Variants in ERC2 observed in about 807,000 individuals in gnomAD.
ERC2 encodes the protein ERC protein 2.
A neutral mutation model predicts 114.8 loss-of-function variants in ERC2; 42 were observed. That is an observed-to-expected ratio of 0.37 (90% confidence interval 0.29 to 0.47). The LOEUF is 0.47. ERC2 is among the 20% of genes least tolerant of loss of function. ERC2 has a pLI of 0.99. For missense variants in ERC2, 939 were observed against 1,150.7 expected (o/e 0.82, Z 2.66); for synonymous variants, 454 against 425.5 (o/e 1.07, Z -0.82).
intron 5 of ERC2, among the ~76,000 whole-genome samples, 174 bp downstream of exon 5, chr3:56,148,803 T>A (rs924036520): frequency 6.6e-6 from 1 of 152,178 alleles, no homozygotes; most frequent in African/African-American, 2.4e-5. Context: ...TCCCTGATTG[T>A]TTTTTGGAAT....
At chr3:55,603,549 G>A (rs900549107) in intron 17 of ERC2, among the ~76,000 whole-genome samples, 43 of 150,908 alleles carry the variant, frequency 2.8e-4, no homozygotes, top group Middle Eastern at 3.2e-3. Flanking sequence ...GGAGAACTGC[G>A]TGAACCCCAT....
At chr3:56,443,308 G>T (rs1271727857) in intron 1 of ERC2, among the ~76,000 whole-genome samples, 2 of 152,092 alleles carry the variant, frequency 1.3e-5, no homozygotes, top group African/African-American at 2.4e-5. Context: ...ATGGTAAAAG[G>T]GTAATGTCTT....
At chr3:55,814,568 G>A (rs535822624) in intron 14 of ERC2, among the ~76,000 whole-genome samples, 1 of 152,174 alleles carries the variant, frequency 6.6e-6, no homozygotes, top group Non-Finnish European at 1.5e-5. Context: ...CATAGCTCAG[G>A]CATGAAATAA....
intron 14 of ERC2, among the ~76,000 whole-genome samples, chr3:55,880,096 G>A (rs1461400151): frequency 1.3e-5 from 2 of 152,192 alleles, no homozygotes; most frequent in Non-Finnish European, 2.9e-5. Flanking sequence ...TAAAGGACAG[G>A]GAGGTTTCTT....
intron 2 of ERC2, among the ~76,000 whole-genome samples, chr3:56,364,009 A>G (rs2059061354): frequency 6.6e-6 from 1 of 152,248 alleles, no homozygotes; most frequent in Non-Finnish European, 1.5e-5. Flanking sequence ...AGCATGGTTT[A>G]TAAAACTCAG....
chr3:55,901,748 A>G (rs1022738362), intron 13 of ERC2, among the ~76,000 whole-genome samples: 3 of 152,224 alleles, frequency 2.0e-5, no homozygotes, highest in Non-Finnish European at 2.9e-5. Context: ...GTCACTATCC[A>G]TAAGATCGAT....
chr3:55,577,572 G>A (rs1466300406), intron 17 of ERC2, among the ~76,000 whole-genome samples: 1 of 152,138 alleles, frequency 6.6e-6, no homozygotes, highest in Non-Finnish European at 1.5e-5. Context: ...CTGGTGGGAA[G>A]TACAAACCAG....
intron 17 of ERC2, among the ~76,000 whole-genome samples, chr3:55,621,159 C>G (rs919580834): frequency 2.0e-5 from 3 of 152,106 alleles, no homozygotes; most frequent in Non-Finnish European, 2.9e-5. Context: ...TAACTGCCCC[C>G]CCTCCAGCCA....
intron 17 of ERC2, among the ~76,000 whole-genome samples, chr3:55,553,615 C>T (rs1250954130): frequency 1.3e-5 from 2 of 151,976 alleles, no homozygotes; most frequent in African/African-American, 4.8e-5. Flanking sequence ...CCTGTCTCTA[C>T]TAAAAATACA....
At chr3:55,583,865 T>C (rs768174813) in intron 17 of ERC2, among the ~76,000 whole-genome samples, 2 of 116,746 alleles carry the variant, frequency 1.7e-5, no homozygotes, top group Non-Finnish European at 3.5e-5. Context: ...TGCCAGCAAG[T>C]CCAACCACAT....
At position 55,508,535 on chromosome 3, in the gene ERC2, T is replaced by C. The variant is rs1378357254; in HGVS notation, c.*2781A>G. 6.6e-6 allele frequency: 1 copy of C among 152,498 alleles called. No homozygotes were observed. Among genetic ancestry groups the C allele is most frequent in the African/African-American group, 2.4e-5 (1 of 41,412 alleles). 9.4% of individuals were successfully genotyped at this position (152,498 alleles called of 1,614,324 possible). A position where few individuals can be genotyped will look rare whatever the true frequency, so the allele number is the denominator to read the frequency against. The stretch of plus-strand genomic sequence containing the variant: ...TCGATGTCCATAATCACATGGTCAA[T>C]ATCACAACCCACATGCCACTCACTT... On this transcript the variant is annotated 3_prime_UTR_variant, in exon 18 of 18. Coordinates refer to ENST00000288221, the MANE Select transcript of ERC2 (RefSeq NM_015576.3).
chr3:55,714,247 C>T (rs1178833738), intron 15 of ERC2, among the ~76,000 whole-genome samples: 1 of 152,118 alleles, frequency 6.6e-6, no homozygotes, highest in Non-Finnish European at 1.5e-5. Context: ...TTGGCATAAA[C>T]TTTCTCAAGG....
At chr3:56,036,354 T>C (rs2074801028) in intron 7 of ERC2, among the ~76,000 whole-genome samples, 2 of 152,140 alleles carry the variant, frequency 1.3e-5, no homozygotes, top group South Asian at 4.2e-4. Flanking sequence ...GCGCCTTCTT[T>C]TCACTTTAGT....
intron 17 of ERC2, among the ~76,000 whole-genome samples, chr3:55,513,586 A>G (rs1411951474): frequency 6.6e-6 from 1 of 152,018 alleles, no homozygotes; most frequent in Non-Finnish European, 1.5e-5. Context: ...TGAATTGTCT[A>G]GACTTGTACA....
intron 2 of ERC2, among the ~76,000 whole-genome samples, chr3:56,406,762 A>G (rs989552828): frequency 6.6e-6 from 1 of 152,220 alleles, no homozygotes; most frequent in Non-Finnish European, 1.5e-5. Flanking sequence ...GAGAGGGAAA[A>G]AAATCAAACT....
In ERC2 at chr3:55,808,383, T is replaced by C. The variant is rs567209902; in HGVS notation, c.2565-73465A>G. 2.0e-5 allele frequency among the ~76,000 whole-genome samples: 3 copies of C among 152,072 alleles called. No individual in the cohort carries two copies. The South Asian group carries it at 6.2e-4, about 32-fold the overall frequency. On this transcript the variant is annotated intron_variant, in intron 14 of 17. Coordinates refer to ENST00000288221, the MANE Select transcript of ERC2 (RefSeq NM_015576.3). ...CCAGGCAGATCTTTTTCCAAAAGAG[T>C]TTGAAACAAAGTGATCACAATTCTT...
intron 14 of ERC2, among the ~76,000 whole-genome samples, chr3:55,834,527 A>G (rs2060780793): frequency 6.6e-6 from 1 of 152,128 alleles, no homozygotes. Flanking sequence ...ACATAATGAA[A>G]TGAAGGCAGA....
chr3:55,879,099 A>ATT (rs3047064), intron 14 of ERC2, among the ~76,000 whole-genome samples: 40 of 127,820 alleles, frequency 3.1e-4, no homozygotes, highest in African/African-American at 1.0e-3. Flanking sequence ...CTTTTTCTTA[A>ATT]TTTTTTTTTT....
intron 13 of ERC2, among the ~76,000 whole-genome samples, chr3:55,941,458 A>G (rs1261611597): frequency 6.6e-6 from 1 of 152,174 alleles, no homozygotes; most frequent in Non-Finnish European, 1.5e-5. Context: ...TCAGCTCCAG[A>G]GCAACTGATA....
Sources: gnomAD v4.1 joint callset for allele counts (sites outside exome capture counted in the v4.1 genomes callset) on GRCh38, gnomAD v4.1.1 for gene constraint, MANE v1.5 for transcripts, NCBI Gene and HGNC (gene_info 2026-07-23, HGNC 2026-07-21) for gene names.